The following ELK3 variants were observed in gnomAD, a reference collection of about 807,000 sequenced individuals.
ELK3 encodes the protein ETS domain-containing protein Elk-3.
A neutral mutation model predicts 28.9 loss-of-function variants in ELK3; 10 were observed. The observed-to-expected ratio is 0.35, with a 90% CI of 0.21 to 0.59. ELK3 has a LOEUF of 0.59. Ranked by LOEUF, ELK3 falls within the 20% of genes least tolerant of loss-of-function variation. The pLI is 0.82. For missense variants in ELK3, 463 were observed against 517.3 expected, an observed-to-expected ratio of 0.90 and a Z score of 1.02; for synonymous variants, 272 against 243.5, an observed-to-expected ratio of 1.12 and a Z score of -1.09.
At chr12:96,200,856 T>G (rs1238233454) in intron 1 of ELK3, among the ~76,000 whole-genome samples, 1 of 152,038 alleles carries the variant, frequency 6.6e-6, no homozygotes, top group Non-Finnish European at 1.5e-5. Context: ...AGAGACGGGC[T>G]TTTGCCATAT....
chr12:96,241,519 C>G (rs1425355523), intron 2 of ELK3, among the ~76,000 whole-genome samples: 1 of 151,494 alleles, frequency 6.6e-6, no homozygotes, highest in Non-Finnish European at 1.5e-5. Flanking sequence ...ATGCCTGTAA[C>G]CTGTCAGGGT....
At chr12:96,232,570 C>CAA (rs750868252) in intron 2 of ELK3, among the ~76,000 whole-genome samples, 1 of 81,196 alleles carries the variant, frequency 1.2e-5, no homozygotes, top group Non-Finnish European at 2.5e-5. Context: ...GGCTCCATCT[C>CAA]AAAAAAAAAA....
At chr12:96,195,111 A>C (rs1256697504) in intron 1 of ELK3, among the ~76,000 whole-genome samples, 1 of 152,076 alleles carries the variant, frequency 6.6e-6, no homozygotes, top group Non-Finnish European at 1.5e-5. Flanking sequence ...CCTGGGAAGA[A>C]CCGTGGCAGG....
At chr12:96,219,908 AGAG>A (rs1255639457) in intron 1 of ELK3, among the ~76,000 whole-genome samples, 1 of 152,134 alleles carries the variant, frequency 6.6e-6, no homozygotes, top group Non-Finnish European at 1.5e-5. Context: ...GAGCGCGAGA[AGAG>A]GAGAACGAGG....
At chr12:96,241,336 T>C (rs923009903) in intron 2 of ELK3, among the ~76,000 whole-genome samples, 1 of 152,150 alleles carries the variant, frequency 6.6e-6, no homozygotes, top group Non-Finnish European at 1.5e-5. Flanking sequence ...TTTTTTTAAA[T>C]TACAAAACTT....
intron 2 of ELK3, among the ~76,000 whole-genome samples, chr12:96,232,981 AAAGC>A (rs1951754347): frequency 6.6e-6 from 1 of 152,180 alleles, no homozygotes; most frequent in South Asian, 2.1e-4. Context: ...GTCTCTTAAA[AAAGC>A]AAGAGAGTGC....
intron 3 of ELK3, among the ~76,000 whole-genome samples, chr12:96,252,846 C>T (rs1201046258): frequency 6.6e-5 from 10 of 152,330 alleles, no homozygotes; most frequent in Non-Finnish European, 2.9e-5. Flanking sequence ...CATTACATTA[C>T]TTAGTTGATA....
At position 96,217,913 on chromosome 12, in the gene ELK3, G is replaced by A. The variant is rs1259463801; in HGVS notation, c.-2-5652G>A. On this transcript the variant is annotated intron_variant, in intron 1 of 4. Transcript: ENST00000228741. ...AGATCGCACCACTGCACTCCAGCCT[G>A]AGGGACAAAGAGAGACGCCGTCTCA... Among the ~76,000 whole-genome samples the A allele has an allele frequency of 2.8e-5, 4 of 144,678 alleles. No homozygotes were observed. In the East Asian group the frequency reaches 8.2e-4, roughly 30 times the overall value. The allele number at this position is 144,678 out of a possible 152,430, so 94.9% of individuals were successfully genotyped here. A position where few individuals can be genotyped will look rare whatever the true frequency, so the allele number is the denominator to read the frequency against.
At chr12:96,234,484 C>A (rs1951766394) in intron 2 of ELK3, among the ~76,000 whole-genome samples, 1 of 152,124 alleles carries the variant, frequency 6.6e-6, no homozygotes, top group East Asian at 1.9e-4. Context: ...CACAGCATAG[C>A]ACCCACCACC....
intron 1 of ELK3, among the ~76,000 whole-genome samples, chr12:96,220,527 A>G (rs1002454079): frequency 1.3e-5 from 2 of 151,318 alleles, no homozygotes; most frequent in African/African-American, 4.9e-5. Context: ...AGCTGTGATT[A>G]TAAGCGCGGG....
At position 96,218,222 on chromosome 12, in the gene ELK3, C is replaced by T. The variant is rs150363798; in HGVS notation, c.-2-5343C>T. ...GAAATGGTGAGAGACCAGCCAGAGA[C>T]GGGAAGGCCCTGCAGGCTGCAAGGT... On this transcript the variant is annotated intron_variant, in intron 1 of 4. Transcript: ENST00000228741. Among the ~76,000 whole-genome samples the T allele has an allele frequency of 2.9e-3, 438 of 152,178 alleles. 2 individuals are homozygous for T. Among genetic ancestry groups the T allele is most frequent in the Middle Eastern group, 6.8e-3 (2 of 294 alleles).
chr12:96,205,045 T>A lies in ELK3; in HGVS notation c.-3+10340T>A, dbSNP rs116539459. ...TGAGAGAATGGGACAATAGGTGACT[T>A]CAGTTGGTGCTGCTCCTCTTTGCAG... On this transcript the variant is annotated intron_variant, in intron 1 of 4. Transcript: ENST00000228741. 4.6e-3 allele frequency among the ~76,000 whole-genome samples: 703 copies of A among 152,304 alleles called. 8 individuals carry two copies. Among genetic ancestry groups the A allele is most frequent in the African/African-American group, 0.016 (667 of 41,564 alleles).
At position 96,259,851 on chromosome 12, in the gene ELK3, C is replaced by G. The variant is rs1164610887; in HGVS notation, c.1123C>G (p.Gln375Glu). The change falls in exon 4 of 5, where the codon CAG becomes GAG. Residue 375 changes from glutamine to glutamate, a missense_variant and splice_region_variant. Coordinates refer to ENST00000228741, the MANE Select transcript of ELK3 (RefSeq NM_005230.4). ...ARLQGPSTLF[Q>E]FPTLLNGHMP... The stretch of plus-strand genomic sequence containing the variant: ...GCTGCAAGGGCCAAGCACGCTGTTC[C>G]AGGTGAGCGTTTGGAAATGAACTTT... The G allele has an allele frequency of 6.3e-7, 1 of 1,593,840 alleles. No individual in the cohort carries two copies. Among genetic ancestry groups the G allele is most frequent in the Non-Finnish European group, 8.5e-7 (1 of 1,172,018 alleles).
chr12:96,219,271 T>A (rs1565780623), intron 1 of ELK3, among the ~76,000 whole-genome samples: 1 of 151,552 alleles, frequency 6.6e-6, no homozygotes, highest in African/African-American at 2.4e-5. Context: ...TCATTAAGGA[T>A]TCTAGGTATC....
rs1389072602 is a variant in ELK3, at chr12:96,267,432, GTGT to G, written c.*255_*257del. ...GTTTTTATATCCTTTTAGCTCTTAA[GTGT>G]TGAACACTGTTGACAGTGAAGAACT... On this transcript the variant is annotated 3_prime_UTR_variant, in exon 5 of 5. Coordinates refer to ENST00000228741, the MANE Select transcript of ELK3 (RefSeq NM_005230.4). 2.9e-6 allele frequency: 1 copy of G among 350,574 alleles called. No individual in the cohort carries two copies. Among genetic ancestry groups the G allele is most frequent in the African/African-American group, 2.1e-5 (1 of 47,286 alleles). 21.7% of individuals were successfully genotyped at this position (350,574 alleles called of 1,614,324 possible).
At chr12:96,253,581 G>A (rs1951924301) in intron 3 of ELK3, among the ~76,000 whole-genome samples, 1 of 152,194 alleles carries the variant, frequency 6.6e-6, no homozygotes, top group Non-Finnish European at 1.5e-5. Flanking sequence ...CCTTTTATTT[G>A]AGGACATTTT....
chr12:96,196,823 C>T (rs1373441587), intron 1 of ELK3, among the ~76,000 whole-genome samples: 3 of 148,830 alleles, frequency 2.0e-5, no homozygotes, highest in Non-Finnish European at 3.0e-5. Context: ...CAAAAGGAAC[C>T]TGATTGGAAT....
At chr12:96,260,283 TAAAATAAAATG>T (rs1181104257) in intron 4 of ELK3, among the ~76,000 whole-genome samples, 1 of 151,848 alleles carries the variant, frequency 6.6e-6, no homozygotes. Flanking sequence ...CATCTATATT[TAAAATAAAATG>T]AAAATAAATA....
intron 4 of ELK3, among the ~76,000 whole-genome samples, chr12:96,262,017 C>CTTT (rs57348208): frequency 8.6e-6 from 1 of 115,634 alleles, no homozygotes; most frequent in Non-Finnish European, 1.9e-5. Flanking sequence ...CTGATAAAAA[C>CTTT]TTTTTTTTTT....
Sources: allele counts gnomAD v4.1 joint callset (sites outside exome capture counted in the v4.1 genomes callset), GRCh38; gene constraint gnomAD v4.1.1; transcripts MANE v1.5; gene names NCBI Gene and HGNC (gene_info 2026-07-23, HGNC 2026-07-21).